FGF14: variants seen among roughly 807,000 people sequenced by gnomAD.
FGF14 encodes the protein fibroblast growth factor 14, also known as fibroblast growth factor homologous factor 4.
Under a neutral mutation model 25.5 loss-of-function variants are expected in FGF14, and 5 were observed. The observed-to-expected ratio is 0.20, with a 90% CI of 0.10 to 0.41. FGF14 has a LOEUF of 0.41. Ranked by LOEUF, FGF14 falls within the 10% of genes least tolerant of loss-of-function variation. The pLI is 1.00. For missense variants in FGF14, 222 were observed against 320.1 expected (o/e 0.69, Z 2.34); for synonymous variants, 138 against 118.3 (o/e 1.17, Z -1.08).
At chr13:101,971,997 C>A (rs9557764) in intron 1 of FGF14, among the ~76,000 whole-genome samples, 47,268 of 152,018 alleles carry the variant, frequency 0.31, 7,974 homozygotes, top group East Asian at 0.71. Context: ...CACAAGTGGG[C>A]GGAGACAGGA....
intron 1 of FGF14, among the ~76,000 whole-genome samples, chr13:102,180,652 A>G (rs913193021): frequency 3.3e-5 from 5 of 152,092 alleles, no homozygotes; most frequent in Non-Finnish European, 7.4e-5. Flanking sequence ...GCTTTTACCA[A>G]TTAACTGGTG....
At chr13:101,779,302 T>G (rs1278717558) in intron 3 of FGF14, among the ~76,000 whole-genome samples, 1 of 152,124 alleles carries the variant, frequency 6.6e-6, no homozygotes, top group Non-Finnish European at 1.5e-5. Flanking sequence ...GGATCAAAAG[T>G]CAGGCAGACA....
intron 1 of FGF14, among the ~76,000 whole-genome samples, chr13:102,018,748 A>G (rs1213831154): frequency 1.3e-5 from 2 of 151,856 alleles, no homozygotes; most frequent in Non-Finnish European, 2.9e-5. Flanking sequence ...TCTTCCTCTT[A>G]AGTCTCTAAG....
rs528043784 is a variant in FGF14 at position 102,051,351 on chromosome 13, G to A, written c.209-176055C>T. Reference sequence around the variant, plus strand: ...TGGTAGTGGGGAGTGCCTGTACCCTGAGTATCATTGCCATTACTTTCCCGG... The same window carrying A: ...TGGTAGTGGGGAGTGCCTGTACCCTAAGTATCATTGCCATTACTTTCCCGG... On this transcript the variant is annotated intron_variant, in intron 1 of 4. Transcript: ENST00000376131. Among the ~76,000 whole-genome samples, 13 of 152,216 alleles carry A rather than the reference G, an allele frequency of 8.5e-5. No homozygotes were observed. The East Asian group carries it at 1.9e-3, about 23-fold the overall frequency.
intron 1 of FGF14, among the ~76,000 whole-genome samples, chr13:102,240,360 AT>A (rs2051535041): frequency 6.6e-6 from 1 of 152,154 alleles, no homozygotes; most frequent in Non-Finnish European, 1.5e-5. Flanking sequence ...CGGCTCACAC[AT>A]TATATAATAA....
chr13:101,871,881 T>C (rs868780476), intron 2 of FGF14, among the ~76,000 whole-genome samples: 19 of 151,962 alleles, frequency 1.3e-4, no homozygotes, highest in South Asian at 1.2e-3. Context: ...ACCAGAACCA[T>C]TTACCCATCA....
intron 1 of FGF14, among the ~76,000 whole-genome samples, chr13:101,929,800 T>G (rs934072594): frequency 6.6e-6 from 1 of 152,268 alleles, no homozygotes; most frequent in African/African-American, 2.4e-5. Flanking sequence ...AAACAGTGTT[T>G]ATCAGTAGGT....
chr13:102,337,820 C>A (rs1476030589), intron 1 of FGF14, among the ~76,000 whole-genome samples: 2 of 152,058 alleles, frequency 1.3e-5, no homozygotes, highest in African/African-American at 2.4e-5. Context: ...TCATGGTAGG[C>A]TCAGATGATT....
chr13:101,918,009 A>G (rs1412427190), upstream of FGF14, among the ~76,000 whole-genome samples: 1 of 152,160 alleles, frequency 6.6e-6, no homozygotes, highest in Non-Finnish European at 1.5e-5. Flanking sequence ...TTGAGCTGTC[A>G]TCTTCTGGTG....
chr13:102,271,196 G>A (rs2053227800), intron 1 of FGF14, among the ~76,000 whole-genome samples: 1 of 152,108 alleles, frequency 6.6e-6, no homozygotes, highest in Non-Finnish European at 1.5e-5. Flanking sequence ...TTAATTTGGT[G>A]TCTAGTGAAA....
Position 101,767,836 on chromosome 13 carries a change from C to T in FGF14, c.409-41026G>A, listed in dbSNP as rs772620348. Among the ~76,000 whole-genome samples the T allele has an allele frequency of 5.9e-5, 9 of 152,206 alleles. No homozygotes were observed. In the South Asian group the frequency reaches 8.3e-4, roughly 14 times the overall value. ...GGAAAAAAATGGTCATTTGACCATA[C>T]GTATTTTGAGAGAAACAATTACTTT... On this transcript the variant is annotated intron_variant, in intron 3 of 4. Transcript: ENST00000376143.
At chr13:102,388,270 G>A (rs574952481) in intron 1 of FGF14, among the ~76,000 whole-genome samples, 1 of 152,204 alleles carries the variant, frequency 6.6e-6, no homozygotes, top group Non-Finnish European at 1.5e-5. Context: ...ACGTCATCAG[G>A]GCTAGCAAAG....
chr13:101,754,042 GA>G (rs780995396), intron 3 of FGF14, among the ~76,000 whole-genome samples: 19 of 152,290 alleles, frequency 1.2e-4, no homozygotes, highest in Middle Eastern at 3.4e-3. Context: ...CGCGTGCCTG[GA>G]ATAGCCATTT....
chr13:102,337,611 G>A lies in FGF14; in HGVS notation c.208+63860C>T, dbSNP rs112511517. Among the ~76,000 whole-genome samples, 449 of 152,192 alleles carry A rather than the reference G, an allele frequency of 3.0e-3. 2 individuals carry two copies. The highest frequency in any genetic ancestry group is 0.01 in the African/African-American group (429 of 41,504). On this transcript the variant is annotated intron_variant, in intron 1 of 4. Coordinates refer to the FGF14 transcript ENST00000376131. ...GTCAAATTCTGAAAGTTCTATGGTG[G>A]GTAAAATACTATCAAACAGCATCAT...
chr13:101,825,513 T>G (rs2042355181), intron 3 of FGF14, among the ~76,000 whole-genome samples: 1 of 152,148 alleles, frequency 6.6e-6, no homozygotes, highest in African/African-American at 2.4e-5. Context: ...TGCCGATTAT[T>G]AAGAAATCTA....
At chr13:102,271,864 G>A (rs567024893) in intron 1 of FGF14, among the ~76,000 whole-genome samples, 1 of 152,144 alleles carries the variant, frequency 6.6e-6, no homozygotes, top group East Asian at 1.9e-4. Flanking sequence ...GGTCACCGTC[G>A]TTTCTCACAT....
intron 1 of FGF14, among the ~76,000 whole-genome samples, chr13:102,076,146 C>T (rs1033006827): frequency 2.0e-5 from 3 of 152,078 alleles, no homozygotes; most frequent in African/African-American, 7.2e-5. Flanking sequence ...ATGAAGTCTA[C>T]AGTAGTATGT....
chr13:102,113,562 T>G (rs1275681013), intron 1 of FGF14, among the ~76,000 whole-genome samples: 1 of 152,126 alleles, frequency 6.6e-6, no homozygotes, highest in Non-Finnish European at 1.5e-5. Flanking sequence ...CACCTAAAAC[T>G]TTGAGTTAGA....
chr13:101,908,153 T>G (rs928804712), intron 1 of FGF14, among the ~76,000 whole-genome samples: 2 of 152,070 alleles, frequency 1.3e-5, no homozygotes, highest in African/African-American at 4.8e-5. Context: ...AAAAAAGAAA[T>G]GTACCAAGGG....
Sources: gnomAD v4.1 joint callset for allele counts (sites outside exome capture counted in the v4.1 genomes callset) on GRCh38, gnomAD v4.1.1 for gene constraint, MANE v1.5 for transcripts, NCBI Gene and HGNC (gene_info 2026-07-23, HGNC 2026-07-21) for gene names.